AGBL4: variants seen among roughly 807,000 people sequenced by gnomAD.
The protein encoded by AGBL4 is AGBL carboxypeptidase 4, also known as cytosolic carboxypeptidase 6.
AGBL4 carries 58 observed loss-of-function variants against 66.4 expected under a neutral mutation model. That is an observed-to-expected ratio of 0.87 (90% CI 0.71 to 1.09). The LOEUF is 1.09. Ranked by LOEUF, AGBL4 falls within the 50% of genes least tolerant of loss-of-function variation. The probability of loss-of-function intolerance (pLI) is 0.00; values close to 1 mark genes in which losing one functional copy is unlikely to be tolerated. For synonymous variants in AGBL4, 234 were observed against 222.9 expected, an observed-to-expected ratio of 1.05 and a Z score of -0.44; for missense variants, 579 against 631.0, an observed-to-expected ratio of 0.92 and a Z score of 0.88.
intron 6 of AGBL4, among the ~76,000 whole-genome samples, chr1:48,793,861 C>T (rs1391138835): frequency 2.0e-5 from 3 of 152,116 alleles, no homozygotes; most frequent in Non-Finnish European, 4.4e-5. Flanking sequence ...ATATGCCTGG[C>T]CATGCTGATT....
chr1:49,243,618 A>T (rs1651409913), intron 4 of AGBL4, among the ~76,000 whole-genome samples: 1 of 151,860 alleles, frequency 6.6e-6, no homozygotes, highest in South Asian at 2.1e-4. Context: ...TTTGGAACAG[A>T]TCTTTTATAG....
intron 3 of AGBL4, among the ~76,000 whole-genome samples, chr1:49,395,776 C>CACATATATATAA (rs1644950671): frequency 7.7e-6 from 1 of 130,336 alleles, no homozygotes; most frequent in African/African-American, 3.0e-5. Context: ...CATATATATA[C>CACATATATATAA]ATGTGTATAT....
At chr1:49,554,716 T>C (rs760636614) in intron 3 of AGBL4, among the ~76,000 whole-genome samples, 2 of 152,028 alleles carry the variant, frequency 1.3e-5, no homozygotes, top group Non-Finnish European at 2.9e-5. Flanking sequence ...TCGCGGTGAG[T>C]GTTACAGTTC....
At chr1:49,974,838 T>C (rs1409958592) in intron 1 of AGBL4, among the ~76,000 whole-genome samples, 1 of 152,210 alleles carries the variant, frequency 6.6e-6, no homozygotes, top group Non-Finnish European at 1.5e-5. Context: ...ACATTTTATT[T>C]TTAAATACAT....
At chr1:48,849,895 C>G (rs1030428479) in intron 6 of AGBL4, among the ~76,000 whole-genome samples, 2 of 152,138 alleles carry the variant, frequency 1.3e-5, no homozygotes, top group African/African-American at 2.4e-5. Flanking sequence ...ATCGCTGGAA[C>G]CGGGGAGGCA....
chr1:48,663,180 C>T lies in AGBL4; in HGVS notation c.696G>A (p.Gly232=), dbSNP rs373001734. ...GGCACACAAATGATGAGGGTGTTTC[C>T]CCTGGGTGGACTCGTCCTGTGATGA... ...VVFITGRVHP[G]ETPSSFVCQG... is the part of the protein sequence containing the mutation. Residue 232 remains glycine (G), a synonymous_variant, in exon 7 of 14, where the codon GGG becomes GGA. Transcript: ENST00000371839. 160 of 1,613,854 alleles carry T rather than the reference C, an allele frequency of 9.9e-5. No individual in the cohort carries two copies. The highest frequency in any genetic ancestry group is 3.2e-4 in the South Asian group (29 of 91,068).
chr1:49,520,274 T>C (rs138310206), intron 3 of AGBL4, among the ~76,000 whole-genome samples: 4 of 152,118 alleles, frequency 2.6e-5, no homozygotes, highest in East Asian at 1.9e-4. Context: ...CAAGAGCCTA[T>C]GAAAATGTTT....
chr1:50,006,994 A>G (rs1399771370), intron 1 of AGBL4, among the ~76,000 whole-genome samples: 1 of 152,196 alleles, frequency 6.6e-6, no homozygotes, highest in Non-Finnish European at 1.5e-5. Context: ...TGATGAAGCA[A>G]TCAGAAATAA....
chr1:49,780,048 A>C (rs757660707), intron 2 of AGBL4, among the ~76,000 whole-genome samples: 3 of 152,180 alleles, frequency 2.0e-5, no homozygotes, highest in Non-Finnish European at 2.9e-5. Flanking sequence ...AGGCAAAATA[A>C]AGACATTCCC....
chr1:48,706,945 C>A (rs891362494), intron 6 of AGBL4, among the ~76,000 whole-genome samples: 23 of 152,318 alleles, frequency 1.5e-4, no homozygotes, highest in African/African-American at 5.5e-4. Context: ...GTGAAGCACC[C>A]CAGCTAGGAA....
At chr1:49,553,371 G>A in intron 3 of AGBL4, among the ~76,000 whole-genome samples, 1 of 152,150 alleles carries the variant, frequency 6.6e-6, no homozygotes, top group South Asian at 2.1e-4. Context: ...GACTTCTCAT[G>A]GTGGATGAGA....
chr1:48,646,936 G>T (rs1413944209), intron 8 of AGBL4, among the ~76,000 whole-genome samples: 1 of 152,104 alleles, frequency 6.6e-6, no homozygotes, highest in African/African-American at 2.4e-5. Context: ...GTATCTCTCA[G>T]CCTCTACTGC....
chr1:49,506,336 T>C (rs909970142), intron 3 of AGBL4, among the ~76,000 whole-genome samples: 32 of 152,220 alleles, frequency 2.1e-4, no homozygotes, highest in African/African-American at 7.2e-4. Context: ...ACTTTTGTTT[T>C]TGTTAATACA....
At chr1:49,112,831 T>C (rs182777263) in intron 4 of AGBL4, among the ~76,000 whole-genome samples, 1 of 152,358 alleles carries the variant, frequency 6.6e-6, no homozygotes, top group Non-Finnish European at 1.5e-5. Flanking sequence ...TCTGCAGTTA[T>C]TTCCTTCACT....
intron 6 of AGBL4, among the ~76,000 whole-genome samples, chr1:48,755,594 G>A (rs372946825): frequency 2.0e-4 from 30 of 152,198 alleles, no homozygotes; most frequent in African/African-American, 7.2e-4. Context: ...AACTGAAGCC[G>A]AGAGTCAAAC....
intron 3 of AGBL4, among the ~76,000 whole-genome samples, chr1:49,535,255 C>A (rs1651479221): frequency 6.6e-6 from 1 of 151,330 alleles, no homozygotes; most frequent in African/African-American, 2.4e-5. Flanking sequence ...TGGCTAAGAT[C>A]ATCTGGCTAA....
intron 1 of AGBL4, among the ~76,000 whole-genome samples, chr1:49,922,356 T>C (rs904534460): frequency 1.3e-5 from 2 of 152,132 alleles, no homozygotes; most frequent in Non-Finnish European, 2.9e-5. Flanking sequence ...TCATACTGAA[T>C]GGGAAAAAGC....
chr1:49,173,840 G>C (rs570363438), intron 4 of AGBL4, among the ~76,000 whole-genome samples: 106 of 152,182 alleles, frequency 7.0e-4, no homozygotes, highest in African/African-American at 2.5e-3. Context: ...AAAAGACCAA[G>C]GCGTAGTTAA....
At chr1:49,096,482 A>T (rs1402330786) in intron 4 of AGBL4, among the ~76,000 whole-genome samples, 1 of 151,840 alleles carries the variant, frequency 6.6e-6, no homozygotes, top group Non-Finnish European at 1.5e-5. Flanking sequence ...AATGTGGCAC[A>T]TATACACCAT....
Sources: gnomAD v4.1 joint callset for allele counts (sites outside exome capture counted in the v4.1 genomes callset) on GRCh38, gnomAD v4.1.1 for gene constraint, MANE v1.5 for transcripts, NCBI Gene and HGNC (gene_info 2026-07-23, HGNC 2026-07-21) for gene names.